B3GALT1: variants seen among roughly 807,000 people sequenced by gnomAD.
B3GALT1 encodes UDP-Gal:betaGlcNAc beta 1,3-galactosyltransferase, polypeptide 1.
A neutral mutation model predicts 23.2 loss-of-function variants in B3GALT1; 10 were observed. That is an observed-to-expected ratio of 0.43 (90% CI 0.27 to 0.73). The LOEUF is 0.73. Among genes scored for constraint, B3GALT1 ranks in the 30% least tolerant of loss-of-function variants. The pLI, the probability that B3GALT1 is intolerant of heterozygous loss-of-function variation, is 0.21. For synonymous variants in B3GALT1, 156 were observed against 141.5 expected (o/e 1.10, Z -0.73); for missense variants, 299 against 405.4 (o/e 0.74, Z 2.25).
At chr2:167,503,860 G>A (rs931737721) in intron 2 of B3GALT1, among the ~76,000 whole-genome samples, 1 of 152,118 alleles carries the variant, frequency 6.6e-6, no homozygotes, top group African/African-American at 2.4e-5. Flanking sequence ...AGTGCAATTT[G>A]TTATCTTTGC....
intron 3 of B3GALT1, among the ~76,000 whole-genome samples, chr2:167,718,747 G>A (rs1369759137): frequency 7.4e-6 from 1 of 135,710 alleles, no homozygotes; most frequent in Non-Finnish European, 1.8e-5. Flanking sequence ...AACTGGGTCA[G>A]GGGAGATTTA....
intron 3 of B3GALT1, among the ~76,000 whole-genome samples, chr2:167,670,614 A>G (rs1439285369): frequency 1.3e-5 from 2 of 152,240 alleles, no homozygotes; most frequent in Non-Finnish European, 1.5e-5. Context: ...AATTGTTTTA[A>G]GAAAGTTTAG....
At chr2:167,607,674 C>T (rs769876705) in intron 2 of B3GALT1, among the ~76,000 whole-genome samples, 1 of 152,192 alleles carries the variant, frequency 6.6e-6, no homozygotes, top group East Asian at 1.9e-4. Context: ...TGCATTAGTG[C>T]TTCAAGCATA....
chr2:167,451,224 C>T (rs764738134), intron 1 of B3GALT1, among the ~76,000 whole-genome samples: 24 of 151,964 alleles, frequency 1.6e-4, no homozygotes, highest in Non-Finnish European at 3.1e-4. Flanking sequence ...GATTTGGTTC[C>T]ATTGCTGGTG....
intron 3 of B3GALT1, among the ~76,000 whole-genome samples, chr2:167,806,525 G>T (rs1688758346): frequency 6.6e-6 from 1 of 152,304 alleles, no homozygotes; most frequent in Non-Finnish European, 1.5e-5. Flanking sequence ...TTTTTAGCAT[G>T]AAGGGCTGTT....
intron 1 of B3GALT1, among the ~76,000 whole-genome samples, chr2:167,482,583 C>T (rs1699575204): frequency 6.6e-6 from 1 of 152,114 alleles, no homozygotes; most frequent in Non-Finnish European, 1.5e-5. Flanking sequence ...TCTTCGAACC[C>T]CAGTGTTAAA....
rs199652424 is a variant in B3GALT1, at chr2:167,644,779, T to TA, written c.-409-2105dup. 1.4e-3 allele frequency among the ~76,000 whole-genome samples: 127 copies of TA among 91,154 alleles called. 1 individual carries two copies. Among genetic ancestry groups the TA allele is most frequent in the African/African-American group, 3.3e-3 (73 of 22,260 alleles). The allele number at this position is 91,154 out of a possible 152,430, so 59.8% of individuals were successfully genotyped here. On this transcript the variant is annotated intron_variant, in intron 2 of 4. Coordinates refer to ENST00000392690, the MANE Select transcript of B3GALT1 (RefSeq NM_020981.4). ...TGGGTGACAGAGTGAGACTCTGTCT[T>TA]AAAAAAAAAAAAAAAAAAAAAAAAA... is the stretch of plus-strand genomic sequence containing the variant.
At chr2:167,730,528 C>A (rs1306614134) in intron 3 of B3GALT1, among the ~76,000 whole-genome samples, 2 of 152,158 alleles carry the variant, frequency 1.3e-5, no homozygotes, top group Non-Finnish European at 2.9e-5. Context: ...AAGGCAGAGA[C>A]AGGCTCAAAG....
At chr2:167,426,297 TGG>T (rs1698623447) in intron 1 of B3GALT1, among the ~76,000 whole-genome samples, 1 of 149,570 alleles carries the variant, frequency 6.7e-6, no homozygotes. Context: ...TTTTTTGAGA[TGG>T]AGTCTTGCTC....
intron 1 of B3GALT1, among the ~76,000 whole-genome samples, chr2:167,295,948 C>T (rs147928259): frequency 1.3e-5 from 2 of 152,162 alleles, no homozygotes; most frequent in Non-Finnish European, 2.9e-5. Flanking sequence ...ACAAATGATG[C>T]AGAGTTGGGG....
chr2:167,402,344 T>A (rs913878767), intron 1 of B3GALT1, among the ~76,000 whole-genome samples: 1 of 152,118 alleles, frequency 6.6e-6, no homozygotes, highest in Non-Finnish European at 1.5e-5. Context: ...CAGAACACCA[T>A]ATTTTTTTAA....
intron 1 of B3GALT1, among the ~76,000 whole-genome samples, chr2:167,442,776 C>T (rs1231748284): frequency 6.8e-6 from 1 of 146,676 alleles, no homozygotes; most frequent in Non-Finnish European, 1.5e-5. Context: ...TGGATATTAG[C>T]CCTTTGTCAG....
At chr2:167,845,099 G>A (rs1689728847) in intron 4 of B3GALT1, among the ~76,000 whole-genome samples, 1 of 152,048 alleles carries the variant, frequency 6.6e-6, no homozygotes, top group South Asian at 2.1e-4. Flanking sequence ...ACCTGCCCAA[G>A]GAGAGTCTGA....
chr2:167,579,708 G>A (rs1210371494), intron 2 of B3GALT1, among the ~76,000 whole-genome samples: 2 of 152,004 alleles, frequency 1.3e-5, no homozygotes, highest in Non-Finnish European at 2.9e-5. Flanking sequence ...ACTGCAGTCA[G>A]TACCTTTGGT....
chr2:167,690,830 C>T (rs1361282375), intron 3 of B3GALT1, among the ~76,000 whole-genome samples: 1 of 152,038 alleles, frequency 6.6e-6, no homozygotes, highest in Non-Finnish European at 1.5e-5. Context: ...CTTTGCTTTG[C>T]CAATTTTCAT....
chr2:167,472,567 AG>A lies in B3GALT1; in HGVS notation c.-510-17609del, dbSNP rs150820179. On this transcript the variant is annotated intron_variant, in intron 1 of 4. Coordinates refer to ENST00000392690, the MANE Select transcript of B3GALT1 (RefSeq NM_020981.4). The stretch of plus-strand genomic sequence containing the variant: ...CCATTAAATTTTAGCATAAAGTTCA[AG>A]TCTCTAATCACAACCTAAAATATTC... Among the ~76,000 whole-genome samples, 851 of 152,254 alleles carry A rather than the reference AG, an allele frequency of 5.6e-3. 9 individuals are homozygous for A. The highest frequency in any genetic ancestry group is 0.02 in the African/African-American group (815 of 41,566).
chr2:167,335,134 AT>A, intron 1 of B3GALT1, among the ~76,000 whole-genome samples: 1 of 152,276 alleles, frequency 6.6e-6, no homozygotes, highest in Non-Finnish European at 1.5e-5. Context: ...AGCACAAAAT[AT>A]CCCTCTTTCT....
At chr2:167,631,252 G>A (rs10204971) in intron 2 of B3GALT1, among the ~76,000 whole-genome samples, 17 of 151,854 alleles carry the variant, frequency 1.1e-4, no homozygotes, top group African/African-American at 1.7e-4. Context: ...TGTGCAGAGT[G>A]CCTGCTGAAG....
chr2:167,572,879 G>GA (rs1020145280), intron 2 of B3GALT1, among the ~76,000 whole-genome samples: 2 of 151,684 alleles, frequency 1.3e-5, no homozygotes, highest in African/African-American at 2.4e-5. Context: ...AGGTTAGCGG[G>GA]AAAAAAATAT....
Sources: allele counts gnomAD v4.1 joint callset (sites outside exome capture counted in the v4.1 genomes callset), GRCh38; gene constraint gnomAD v4.1.1; transcripts MANE v1.5; gene names NCBI Gene and HGNC (gene_info 2026-07-23, HGNC 2026-07-21).